TAAR1: variants seen among roughly 807,000 people sequenced by gnomAD.
TAAR1 encodes the protein trace amine associated receptor 1, also known as trace amine-associated receptor 1.
In TAAR1, 1 loss-of-function variant was observed where a neutral mutation model predicts 1.2. The observed-to-expected ratio is 0.81, with a 90% confidence interval of 0.29 to 3.86. The LOEUF is 3.86. Ranked by LOEUF, TAAR1 falls within the 30% of genes most tolerant of loss-of-function variation. The pLI is 0.18. For synonymous variants in TAAR1, 153 were observed against 132.2 expected (o/e 1.16, Z -1.08); for missense variants, 445 against 405.6 (o/e 1.10, Z -0.83).
At position 132,644,620 on chromosome 6, in the gene TAAR1, C is replaced by A. The variant is rs1407279440; in HGVS notation, c.*364G>T. On this transcript the variant is annotated 3_prime_UTR_variant, in exon 2 of 2. Transcript: ENST00000275216. The stretch of plus-strand genomic sequence containing the variant: ...GACCAGGACATGTATACGTATATGA[C>A]AAAATCATTCTGATTTGCATCCTCA... Among the ~76,000 whole-genome samples the A allele has an allele frequency of 6.6e-6, 1 of 151,992 alleles. No individual in the cohort carries two copies. The highest frequency in any genetic ancestry group is 2.4e-5 in the African/African-American group (1 of 41,390).
chr6:132,647,626 AAG>A lies in TAAR1; in HGVS notation c.-126-1499_-126-1498del, dbSNP rs1562203011. On this transcript the variant is annotated intron_variant, in intron 1 of 1. Coordinates refer to ENST00000275216, the MANE Select transcript of TAAR1 (RefSeq NM_138327.4). ...AGAAAAAAGAAAGAAAGAAAAAGGA[AAG>A]AAAGAAAGAAAGAAAGAAAGAAAGA... Among the ~76,000 whole-genome samples the A allele has an allele frequency of 2.3e-3, 128 of 56,656 alleles. 5 individuals are homozygous for A. Among genetic ancestry groups the A allele is most frequent in the East Asian group, 0.016 (56 of 3,426 alleles). 37.2% of individuals were successfully genotyped at this position (56,656 alleles called of 152,430 possible).
At chr6:132,646,816 T>C (rs980658657) in intron 1 of TAAR1, among the ~76,000 whole-genome samples, 6 of 152,304 alleles carry the variant, frequency 3.9e-5, no homozygotes, top group African/African-American at 7.2e-5. Context: ...TCACAAATCA[T>C]TAAAGCTTGA....
intron 1 of TAAR1, among the ~76,000 whole-genome samples, chr6:132,647,934 T>C (rs1224707647): frequency 2.0e-5 from 3 of 152,120 alleles, no homozygotes; most frequent in Admixed American, 6.6e-5. Flanking sequence ...GGAACATTTT[T>C]CCCCTAATCT....
chr6:132,658,012 AT>A (rs1777825803), intron 1 of TAAR1, among the ~76,000 whole-genome samples: 1 of 149,700 alleles, frequency 6.7e-6, no homozygotes, highest in Non-Finnish European at 1.5e-5. Context: ...TGATTTATTT[AT>A]CTATTTTACC....
At chr6:132,658,760 A>T (rs1281952516) in intron 1 of TAAR1, among the ~76,000 whole-genome samples, 1 of 152,234 alleles carries the variant, frequency 6.6e-6, no homozygotes, top group African/African-American at 2.4e-5. Context: ...TACACAGCAT[A>T]GAATTTCTTT....
At position 132,649,896 on chromosome 6, in the gene TAAR1, C is replaced by T. The variant is rs538604232; in HGVS notation, c.-126-3767G>A. Among the ~76,000 whole-genome samples the T allele has an allele frequency of 4.6e-5, 7 of 152,268 alleles. 1 individual carries two copies. In the South Asian group the frequency reaches 1.5e-3, roughly 32 times the overall value. ...GCATGTACAGACTCCCAAGTCATCT[C>T]TCTGTACTTCTTGAAGATATGAGTT... On this transcript the variant is annotated intron_variant, in intron 1 of 1. Transcript: ENST00000275216.
At chr6:132,656,853 G>T (rs764627534) in intron 1 of TAAR1, among the ~76,000 whole-genome samples, 3 of 152,014 alleles carry the variant, frequency 2.0e-5, no homozygotes, top group African/African-American at 4.8e-5. Context: ...CAGTCAAAAG[G>T]GTGATCATAT....
intron 1 of TAAR1, among the ~76,000 whole-genome samples, chr6:132,654,493 A>G (rs1274270625): frequency 6.6e-6 from 1 of 152,256 alleles, no homozygotes; most frequent in Non-Finnish European, 1.5e-5. Context: ...GTACCTTTAC[A>G]GGAACAAATA....
In TAAR1 at chr6:132,645,004, A is replaced by T. The variant is rs1562201597; in HGVS notation, c.1000T>A (p.Phe334Ile). Residue 334 changes from phenylalanine (F) to isoleucine (I), a missense_variant, in exon 2 of 2, where the codon TTT becomes ATT. Physicochemically the swap from Phe to Ile is conservative, Grantham distance 21. Coordinates refer to ENST00000275216, the MANE Select transcript of TAAR1 (RefSeq NM_138327.4). ...TAATTCTATGAACTCAATTCCAAAA[A>T]TAATTTACACCTGGATGAATCTTTT... is the stretch of plus-strand genomic sequence containing the variant. Reference protein sequence around the residue: ...FQKDSSRCKLFLELSS With the variant: ...FQKDSSRCKLILELSS The T allele has an allele frequency of 6.4e-7, 1 of 1,564,778 alleles. No individual in the cohort carries two copies. Among genetic ancestry groups the T allele is most frequent in the Non-Finnish European group, 8.6e-7 (1 of 1,163,892 alleles).
At chr6:132,649,396 C>G (rs530836502) in intron 1 of TAAR1, among the ~76,000 whole-genome samples, 1 of 152,220 alleles carries the variant, frequency 6.6e-6, no homozygotes, top group East Asian at 1.9e-4. Context: ...TAAGTGTCCA[C>G]TTACACTCAT....
intron 1 of TAAR1, among the ~76,000 whole-genome samples, chr6:132,647,602 GAAAAAAGAAAGAAAGAAAAAGGAAAGA>G (rs1777691497): frequency 8.2e-6 from 1 of 121,296 alleles, no homozygotes; most frequent in Non-Finnish European, 1.7e-5. Flanking sequence ...GAAAGAGAAA[GAAAAAAGAAAGAAAGAAAAAGGAAAGA>G]AAGAAAGAAA....
At position 132,645,319 on chromosome 6, in the gene TAAR1, G is replaced by A. The variant is rs532479932; in HGVS notation, c.685C>T (p.Gln229Ter). 6.2e-7 allele frequency: 1 copy of A among 1,613,476 alleles called. No homozygotes were observed. The highest frequency in any genetic ancestry group is 1.3e-5 in the African/African-American group (1 of 74,948). Residue 229 changes from glutamine (Q) to a stop codon, truncating the protein, a stop_gained, in exon 2 of 2, where the codon CAG (glutamine) becomes TAG (stop). Transcript: ENST00000275216. LOFTEE classifies it low-confidence loss of function (END_TRUNC). The part of the protein sequence containing the change: ...EQARLISDAN[Q>*]KLQIGLEMKN... ...ATTTCCAATCCAATTTGGAGCTTCTGATTGGCATCACTAATTAATCTTGCC... is the reference window on the plus strand; with the variant it reads ...ATTTCCAATCCAATTTGGAGCTTCTAATTGGCATCACTAATTAATCTTGCC...
intron 1 of TAAR1, among the ~76,000 whole-genome samples, chr6:132,650,055 C>T (rs1314918462): frequency 1.3e-5 from 2 of 152,184 alleles, no homozygotes; most frequent in Admixed American, 1.3e-4. Flanking sequence ...ATAGACTCGC[C>T]TCCATCTCAT....
rs1357924267 is a variant in TAAR1 at position 132,644,799 on chromosome 6, G to A, written c.*185C>T. On this transcript the variant is annotated 3_prime_UTR_variant, in exon 2 of 2. Transcript: ENST00000275216. ...CATTATGTGTGGTAAGAATGGAAAAGCGTATACCTACTATGTCCCAAATAG... is the reference window on the plus strand; with the variant it reads ...CATTATGTGTGGTAAGAATGGAAAAACGTATACCTACTATGTCCCAAATAG... Among the ~76,000 whole-genome samples the A allele has an allele frequency of 6.6e-6, 1 of 151,906 alleles. No individual in the cohort carries two copies. Among genetic ancestry groups the A allele is most frequent in the Non-Finnish European group, 1.5e-5 (1 of 67,960 alleles).
chr6:132,655,586 C>A (rs1210325579), intron 1 of TAAR1, among the ~76,000 whole-genome samples: 1 of 152,028 alleles, frequency 6.6e-6, no homozygotes, highest in Non-Finnish European at 1.5e-5. Context: ...GGGCTCCAAG[C>A]AATCCTCCTG....
Position 132,645,043 on chromosome 6 carries a change from C to T in TAAR1, c.961G>A (p.Gly321Ser). The T allele has an allele frequency of 6.3e-7, 1 of 1,586,128 alleles. No homozygotes were observed. Among genetic ancestry groups the T allele is most frequent in the Non-Finnish European group, 8.5e-7 (1 of 1,172,222 alleles). The stretch of plus-strand genomic sequence containing the variant: ...GATGAATCTTTTTGGAAAATTTTAC[C>T]AAACAGCATCATCTTCAGTGCTTTT... Reference protein sequence around the residue: ...FRKALKMMLFGKIFQKDSSRC... With the variant: ...FRKALKMMLFSKIFQKDSSRC... Residue 321 changes from glycine to serine, a missense_variant, in exon 2 of 2, where the codon GGT (glycine) becomes AGT (serine). Transcript: ENST00000275216.
chr6:132,658,085 T>C (rs1296178413), intron 1 of TAAR1, among the ~76,000 whole-genome samples: 1 of 152,188 alleles, frequency 6.6e-6, no homozygotes, highest in Non-Finnish European at 1.5e-5. Context: ...GTTTTTGTTC[T>C]ATTATAAAAT....
chr6:132,645,098 C>A lies in TAAR1; in HGVS notation c.906G>T (p.Met302Ile), dbSNP rs1244451174. The A allele has an allele frequency of 8.1e-6, 13 of 1,612,548 alleles. No individual in the cohort carries two copies. The highest frequency in any genetic ancestry group is 1.3e-5 in the African/African-American group (1 of 74,862). Residue 302 changes from methionine to isoleucine, a missense_variant, in exon 2 of 2, where the codon ATG (methionine) becomes ATT (isoleucine). By Grantham distance (10) the Met-to-Ile change is conservative. Coordinates refer to ENST00000275216, the MANE Select transcript of TAAR1 (RefSeq NM_138327.4). ...FGYLNSTFNP[M>I]VYAFFYPWFR... Reference sequence around the variant, plus strand: ...ACCAAGGATAGAAAAATGCATAAACCATTGGATTAAATGTAGAGTTCAAGT... The same window carrying A: ...ACCAAGGATAGAAAAATGCATAAACAATTGGATTAAATGTAGAGTTCAAGT...
chr6:132,652,392 C>T (rs564842473), intron 1 of TAAR1, among the ~76,000 whole-genome samples: 1 of 150,188 alleles, frequency 6.7e-6, no homozygotes, highest in Non-Finnish European at 1.5e-5. Flanking sequence ...CAACCTCCTC[C>T]AACTCCCTGG....
Sources: allele counts gnomAD v4.1 joint callset (sites outside exome capture counted in the v4.1 genomes callset), GRCh38; gene constraint gnomAD v4.1.1; transcripts MANE v1.5; gene names NCBI Gene and HGNC (gene_info 2026-07-23, HGNC 2026-07-21).